RANBP2: variants seen among roughly 807,000 people sequenced by gnomAD.
RANBP2 encodes E3 SUMO-protein ligase RanBP2.
A neutral mutation model predicts 303.6 loss-of-function variants in RANBP2; 57 were observed. That is an observed-to-expected ratio of 0.19 (90% CI 0.15 to 0.23). RANBP2 has a LOEUF of 0.23. Ranked by LOEUF, RANBP2 falls within the 10% of genes least tolerant of loss-of-function variation. RANBP2 has a pLI of 1.00. For missense variants in RANBP2, 3,138 were observed against 3,780.8 expected (o/e 0.83, Z 4.46); for synonymous variants, 1,167 against 1,301.5 (o/e 0.90, Z 2.23).
chr2:109,305,548 T>G, the RANBP2 span, among the ~76,000 whole-genome samples: 1 of 152,170 alleles, frequency 6.6e-6, no homozygotes, highest in African/African-American at 2.4e-5. Flanking sequence ...GTGGAAATTA[T>G]GCACCAGGAA....
chr2:109,689,099 A>T, the RANBP2 span, among the ~76,000 whole-genome samples: 462 of 151,994 alleles, frequency 3.0e-3, 4 homozygotes, highest in African/African-American at 0.011. Flanking sequence ...TAGAGGCGGG[A>T]TTTCACCATA....
chr2:109,150,934 AG>A, the RANBP2 span, among the ~76,000 whole-genome samples: 1 of 152,328 alleles, frequency 6.6e-6, no homozygotes, highest in South Asian at 2.1e-4. Context: ...CAAATAAAGA[AG>A]CTAGTTATTT....
the RANBP2 span, among the ~76,000 whole-genome samples, chr2:109,635,108 T>C: frequency 6.8e-6 from 1 of 146,970 alleles, no homozygotes. Context: ...ACTCCAGTGT[T>C]AAAAAAAAAA....
chr2:109,143,215 G>A, the RANBP2 span, among the ~76,000 whole-genome samples: 2 of 152,138 alleles, frequency 1.3e-5, no homozygotes, highest in Non-Finnish European at 2.9e-5. Context: ...GCAGTTGCAT[G>A]GAATTTCATT....
the RANBP2 span, among the ~76,000 whole-genome samples, chr2:108,841,826 A>G: frequency 4.7e-5 from 7 of 148,842 alleles, no homozygotes; most frequent in Admixed American, 4.7e-4. Context: ...TCTTTGGTTC[A>G]TTTTTCTGCT....
chr2:109,568,394 G>C, the RANBP2 span, among the ~76,000 whole-genome samples: 1 of 126,748 alleles, frequency 7.9e-6, no homozygotes, highest in African/African-American at 3.0e-5. Flanking sequence ...TTTTTTTTGA[G>C]ATGGAGTCTC....
the RANBP2 span, chr2:109,616,052 C>A: frequency 5.3e-6 from 8 of 1,507,416 alleles, no homozygotes; most frequent in African/African-American, 1.4e-5. Flanking sequence ...GACCAAAGTC[C>A]AATGTATTTG....
the RANBP2 span, among the ~76,000 whole-genome samples, chr2:108,793,054 T>A: frequency 1.6e-5 from 2 of 126,552 alleles, no homozygotes; most frequent in African/African-American, 3.1e-5. Flanking sequence ...ACAGAGAGAC[T>A]CTGTCTCAAA....
At chr2:109,327,795 G>A in the RANBP2 span, among the ~76,000 whole-genome samples, 1 of 152,336 alleles carries the variant, frequency 6.6e-6, no homozygotes, top group African/African-American at 2.4e-5. Context: ...TAGAAAAGCA[G>A]TTGACTTTTA....
At chr2:109,128,893 G>A in the RANBP2 span, 1 of 325,958 alleles carries the variant, frequency 3.1e-6, no homozygotes, top group Non-Finnish European at 6.3e-6. Context: ...CTAATCGCCG[G>A]CTTGCGCCCA....
At chr2:109,108,628 A>G in the RANBP2 span, among the ~76,000 whole-genome samples, 1 of 152,100 alleles carries the variant, frequency 6.6e-6, no homozygotes, top group African/African-American at 2.4e-5. Context: ...TCTTGTGCCA[A>G]CCCTAACCTG....
the RANBP2 span, among the ~76,000 whole-genome samples, chr2:109,070,724 T>C: frequency 1.3e-5 from 2 of 152,008 alleles, no homozygotes; most frequent in African/African-American, 4.8e-5. Context: ...GCGGGTGTGA[T>C]GGTGCGCTGC....
At chr2:109,303,065 G>A in the RANBP2 span, among the ~76,000 whole-genome samples, 1 of 152,060 alleles carries the variant, frequency 6.6e-6, no homozygotes, top group East Asian at 1.9e-4. Flanking sequence ...TGGTAGAGGC[G>A]GGGTTTCATC....
chr2:108,739,260 G>A (rs989914639), intron 6 of RANBP2, among the ~76,000 whole-genome samples: 9 of 151,920 alleles, frequency 5.9e-5, no homozygotes, highest in Non-Finnish European at 1.0e-4. Context: ...AAAATTAGCC[G>A]GGTATGTTGG....
the RANBP2 span, among the ~76,000 whole-genome samples, chr2:109,180,182 C>G: frequency 2.0e-5 from 3 of 151,844 alleles, no homozygotes; most frequent in Non-Finnish European, 2.9e-5. Flanking sequence ...CTACTTCCCT[C>G]TCTACCTGTG....
chr2:109,551,169 C>G, the RANBP2 span, among the ~76,000 whole-genome samples: 5 of 152,178 alleles, frequency 3.3e-5, no homozygotes, highest in African/African-American at 1.2e-4. Context: ...TCTCCCCATT[C>G]TAGTCATCTA....
chr2:109,682,709 G>T, the RANBP2 span, among the ~76,000 whole-genome samples: 1 of 152,066 alleles, frequency 6.6e-6, no homozygotes, highest in African/African-American at 2.4e-5. Context: ...GGAGGTCGAG[G>T]CAGGAAGACT....
At chr2:109,078,778 C>G in the RANBP2 span, among the ~76,000 whole-genome samples, 1 of 148,726 alleles carries the variant, frequency 6.7e-6, no homozygotes, top group Non-Finnish European at 1.5e-5. Context: ...GTCAGGAGAT[C>G]GAGACCATTC....
the RANBP2 span, among the ~76,000 whole-genome samples, chr2:109,011,613 CT>C: frequency 6.6e-6 from 1 of 152,160 alleles, no homozygotes; most frequent in African/African-American, 2.4e-5. Flanking sequence ...GCTGCGTCCT[CT>C]CTCTATGGAA....
Sources: allele counts gnomAD v4.1 joint callset (sites outside exome capture counted in the v4.1 genomes callset), GRCh38; gene constraint gnomAD v4.1.1; transcripts MANE v1.5; gene names NCBI Gene and HGNC (gene_info 2026-07-23, HGNC 2026-07-21).